RHOBTB1: variants seen among roughly 807,000 people sequenced by gnomAD.
RHOBTB1 encodes the protein rho-related BTB domain-containing protein 1.
RHOBTB1 carries 40 observed loss-of-function variants against 71.6 expected under a neutral mutation model. That is an observed-to-expected ratio of 0.56 (90% CI 0.43 to 0.73). The LOEUF (loss-of-function observed/expected upper bound fraction) is 0.73. Ranked by LOEUF, RHOBTB1 falls within the 30% of genes least tolerant of loss-of-function variation. The pLI is 0.00. For synonymous variants in RHOBTB1, 319 were observed against 334.9 expected, an observed-to-expected ratio of 0.95 and a Z score of 0.52; for missense variants, 797 against 894.0, an observed-to-expected ratio of 0.89 and a Z score of 1.38.
chr10:60,979,985 G>C (rs1589451721), intron 2 of RHOBTB1, among the ~76,000 whole-genome samples: 1 of 152,188 alleles, frequency 6.6e-6, no homozygotes, highest in African/African-American at 2.4e-5. Context: ...ATGGGAGAGG[G>C]AGGAACCGGA....
intron 2 of RHOBTB1, among the ~76,000 whole-genome samples, chr10:60,982,295 T>C (rs2086523197): frequency 6.6e-6 from 1 of 152,156 alleles, no homozygotes; most frequent in African/African-American, 2.4e-5. Context: ...CTAACTGTAC[T>C]GGGATGGGCT....
downstream of RHOBTB1, among the ~76,000 whole-genome samples, chr10:60,864,606 CTTTCTTTTTT>C (rs1275089319): frequency 9.2e-5 from 14 of 152,084 alleles, no homozygotes; most frequent in African/African-American, 2.9e-4. Flanking sequence ...ATTAATTTTT[CTTTCTTTTTT>C]TTTCTTTTTT....
upstream of RHOBTB1, among the ~76,000 whole-genome samples, chr10:60,948,970 T>G (rs2085323916): frequency 6.6e-6 from 1 of 152,210 alleles, no homozygotes; most frequent in Admixed American, 6.5e-5. Flanking sequence ...GAACAAATCA[T>G]TTTACATGTT....
At chr10:60,939,700 G>A (rs1393965086) in intron 2 of RHOBTB1, among the ~76,000 whole-genome samples, 2 of 152,148 alleles carry the variant, frequency 1.3e-5, no homozygotes, top group African/African-American at 2.4e-5. Flanking sequence ...AGAGGGAAAC[G>A]TGAATGGCCT....
At chr10:60,978,143 T>C (rs2086375990) in intron 2 of RHOBTB1, among the ~76,000 whole-genome samples, 1 of 152,214 alleles carries the variant, frequency 6.6e-6, no homozygotes, top group Admixed American at 6.5e-5. Flanking sequence ...ACCCTCTGCA[T>C]TAAATATATA....
intron 2 of RHOBTB1, among the ~76,000 whole-genome samples, chr10:60,926,542 G>A (rs1167856812): frequency 1.3e-5 from 2 of 152,104 alleles, no homozygotes; most frequent in Non-Finnish European, 2.9e-5. Context: ...ATGATCAAGT[G>A]AAATTCATCC....
At chr10:60,992,607 A>T (rs896945050) in intron 1 of RHOBTB1, among the ~76,000 whole-genome samples, 2 of 152,238 alleles carry the variant, frequency 1.3e-5, no homozygotes, top group African/African-American at 4.8e-5. Context: ...CTGTATCAGG[A>T]TCTCAATAAA....
chr10:60,862,597 C>G, the RHOBTB1 span, among the ~76,000 whole-genome samples: 1 of 147,196 alleles, frequency 6.8e-6, no homozygotes, highest in African/African-American at 2.5e-5. Context: ...TTTCCTATTT[C>G]TCTCTCTCCT....
intron 1 of RHOBTB1, among the ~76,000 whole-genome samples, chr10:60,988,513 G>A (rs1653613278): frequency 6.6e-6 from 1 of 151,736 alleles, no homozygotes; most frequent in Non-Finnish European, 1.5e-5. Context: ...ATGTCCATGT[G>A]TACCCAACAT....
At chr10:60,882,430 G>A (rs997401599) in intron 7 of RHOBTB1, among the ~76,000 whole-genome samples, 5 of 152,092 alleles carry the variant, frequency 3.3e-5, no homozygotes, top group South Asian at 2.1e-4. Context: ...TACCTCTGGG[G>A]AGAGAATTAT....
intron 2 of RHOBTB1, among the ~76,000 whole-genome samples, chr10:60,930,713 T>A (rs1308944034): frequency 6.6e-6 from 1 of 152,176 alleles, no homozygotes; most frequent in Non-Finnish European, 1.5e-5. Context: ...AAAGTCTCTT[T>A]GAAATGTTTC....
intron 9 of RHOBTB1, 88 bp from the exon 10 acceptor site, chr10:60,872,378 G>C (rs1184327226): frequency 1.1e-6 from 1 of 895,634 alleles, no homozygotes; most frequent in African/African-American, 1.7e-5. Flanking sequence ...AGGGTGAAAA[G>C]AAATGAAGGG....
chr10:60,862,335 C>T, the RHOBTB1 span, among the ~76,000 whole-genome samples: 1 of 152,050 alleles, frequency 6.6e-6, no homozygotes, highest in South Asian at 2.1e-4. Flanking sequence ...GTAGCTGAGA[C>T]TACAGGTGCC....
intron 1 of RHOBTB1, among the ~76,000 whole-genome samples, chr10:60,986,433 A>ATATATATATATATATATATATAAT (rs35572813): frequency 1.5e-5 from 2 of 136,390 alleles, no homozygotes; most frequent in East Asian, 2.2e-4. Flanking sequence ...ATATATATAA[A>ATATATATATATATATATATATAAT]ATATATATAG....
At chr10:60,866,665 A>C (rs1218121168), downstream of RHOBTB1, among the ~76,000 whole-genome samples, 1 of 152,068 alleles carries the variant, frequency 6.6e-6, no homozygotes, top group Non-Finnish European at 1.5e-5. Context: ...CTCAGCCCAG[A>C]AGTGGGCTGA....
intron 9 of RHOBTB1, among the ~76,000 whole-genome samples, chr10:60,873,349 CA>C (rs2132206921): frequency 6.6e-6 from 1 of 152,262 alleles, no homozygotes; most frequent in African/African-American, 2.4e-5. Flanking sequence ...TAGAAATTGG[CA>C]AACGCAACAG....
intron 2 of RHOBTB1, among the ~76,000 whole-genome samples, chr10:60,972,464 T>G (rs187457525): frequency 1.3e-5 from 2 of 152,014 alleles, no homozygotes; most frequent in African/African-American, 4.8e-5. Flanking sequence ...ATGTTCTCAC[T>G]CATAAGTAGG....
At chr10:60,903,660 A>AGGCCCCTGGGTCAGACTATG (rs57963914) in intron 4 of RHOBTB1, among the ~76,000 whole-genome samples, 8 of 151,832 alleles carry the variant, frequency 5.3e-5, no homozygotes, top group Non-Finnish European at 1.0e-4. Context: ...GCTGAGAAAC[A>AGGCCCCTGGGTCAGACTATG]GGCCCCTGGG....
chr10:60,932,437 G>T (rs1180196804), intron 2 of RHOBTB1, among the ~76,000 whole-genome samples: 1 of 141,772 alleles, frequency 7.1e-6, no homozygotes, highest in African/African-American at 2.6e-5. Flanking sequence ...TGTTCAGTTT[G>T]CAAAAAGTCA....
Sources: allele counts gnomAD v4.1 joint callset (sites outside exome capture counted in the v4.1 genomes callset), GRCh38; gene constraint gnomAD v4.1.1; transcripts MANE v1.5; gene names NCBI Gene and HGNC (gene_info 2026-07-23, HGNC 2026-07-21).